The following CRCP variants were observed in gnomAD, a reference collection of about 807,000 sequenced individuals.
The protein encoded by CRCP is DNA-directed RNA polymerase III subunit RPC9.
Under a neutral mutation model 18.5 loss-of-function variants are expected in CRCP, and 18 were observed. The observed-to-expected ratio is 0.97, with a 90% CI of 0.67 to 1.44. The LOEUF is 1.44. Among genes scored for constraint, CRCP ranks in the 40% most tolerant of loss-of-function variants. The pLI is 0.00. For synonymous variants in CRCP, 53 were observed against 62.9 expected (o/e 0.84, Z 0.75); for missense variants, 130 against 176.4 (o/e 0.74, Z 1.49).
chr7:66,145,156 CA>C (rs200478059), intron 4 of CRCP, among the ~76,000 whole-genome samples: 1 of 149,924 alleles, frequency 6.7e-6, no homozygotes, highest in South Asian at 2.1e-4. Context: ...AACTCTGTCT[CA>C]AAAAAAAAGG....
At chr7:66,136,392 G>A (rs1234154770) in intron 4 of CRCP, among the ~76,000 whole-genome samples, 1 of 152,020 alleles carries the variant, frequency 6.6e-6, no homozygotes, top group Non-Finnish European at 1.5e-5. Flanking sequence ...CACCACACCT[G>A]GCTAGTTTTG....
At chr7:66,131,522 G>A (rs558804475) in intron 3 of CRCP, among the ~76,000 whole-genome samples, 1 of 152,080 alleles carries the variant, frequency 6.6e-6, no homozygotes, top group Non-Finnish European at 1.5e-5. Context: ...TGTTGTCCAG[G>A]CTGGTCTCCA....
chr7:66,125,615 T>G (rs549791009), intron 1 of CRCP, among the ~76,000 whole-genome samples: 15 of 149,366 alleles, frequency 1.0e-4, no homozygotes, highest in African/African-American at 3.6e-4. Flanking sequence ...CTCCTTTATA[T>G]TCGTTCTAGA....
intron 5 of CRCP, among the ~76,000 whole-genome samples, chr7:66,148,231 G>A (rs1450192875): frequency 6.6e-5 from 10 of 152,036 alleles, no homozygotes; most frequent in African/African-American, 1.2e-4. Context: ...GCATGGTGGC[G>A]GGCACCTGTA....
chr7:66,138,101 A>G (rs1283162017), intron 4 of CRCP, among the ~76,000 whole-genome samples: 1 of 152,166 alleles, frequency 6.6e-6, no homozygotes, highest in African/African-American at 2.4e-5. Flanking sequence ...CTTGGCTACA[A>G]ATTCTCTTAT....
intron 5 of CRCP, among the ~76,000 whole-genome samples, chr7:66,149,955 C>T (rs964187355): frequency 2.0e-5 from 3 of 151,996 alleles, no homozygotes; most frequent in African/African-American, 4.8e-5. Flanking sequence ...TACAGGCGCA[C>T]GCTGCCACGC....
chr7:66,118,245 G>A (rs1787332695), intron 1 of CRCP, among the ~76,000 whole-genome samples: 1 of 152,206 alleles, frequency 6.6e-6, no homozygotes, highest in Non-Finnish European at 1.5e-5. Flanking sequence ...CAAAGTGCTG[G>A]GATTACAGGC....
chr7:66,137,928 A>G lies in CRCP; in HGVS notation c.239+3554A>G, dbSNP rs554203633. 9.8e-5 allele frequency among the ~76,000 whole-genome samples: 15 copies of G among 152,308 alleles called. 1 individual carries two copies. In the South Asian group the frequency reaches 1.7e-3, roughly 17 times the overall value. On this transcript the variant is annotated intron_variant, in intron 4 of 5. Coordinates refer to ENST00000395326, the MANE Select transcript of CRCP (RefSeq NM_014478.5). ...TGCATACTATTAGTAGTGTTTTTACATTGACTTTCTGTATTCTTACATATT... is the reference window on the plus strand; with the variant it reads ...TGCATACTATTAGTAGTGTTTTTACGTTGACTTTCTGTATTCTTACATATT...
intron 3 of CRCP, among the ~76,000 whole-genome samples, chr7:66,131,588 C>T (rs888263462): frequency 1.3e-5 from 2 of 152,042 alleles, no homozygotes; most frequent in African/African-American, 2.4e-5. Flanking sequence ...TGGGAACTTA[C>T]ACGCTTAAGG....
intron 4 of CRCP, among the ~76,000 whole-genome samples, chr7:66,140,730 G>T (rs1001266641): frequency 9.2e-5 from 14 of 152,264 alleles, no homozygotes; most frequent in Admixed American, 3.9e-4. Flanking sequence ...AGAGAGAAAG[G>T]CTTTCGTGGG....
chr7:66,136,313 C>G (rs553182656), intron 4 of CRCP, among the ~76,000 whole-genome samples: 1 of 152,076 alleles, frequency 6.6e-6, no homozygotes. Context: ...TCACCGCAAC[C>G]TCTGCCTTCG....
At chr7:66,127,558 A>T in intron 1 of CRCP, 146 bp from the exon 2 acceptor site, 1 of 853,054 alleles carries the variant, frequency 1.2e-6, no homozygotes. Flanking sequence ...TGTTGGACTT[A>T]GGACATTTCT....
intron 1 of CRCP, among the ~76,000 whole-genome samples, chr7:66,125,050 T>C (rs1252028051): frequency 6.7e-6 from 1 of 149,432 alleles, no homozygotes; most frequent in African/African-American, 2.4e-5. Context: ...GACATTGATA[T>C]TTGAAGAGTC....
intron 5 of CRCP, among the ~76,000 whole-genome samples, chr7:66,148,664 G>A (rs1027378184): frequency 5.9e-5 from 9 of 152,276 alleles, no homozygotes; most frequent in Non-Finnish European, 1.0e-4. Context: ...TGTTGTGCCC[G>A]GTTGTGTATT....
chr7:66,128,943 A>G (rs1219088493), intron 2 of CRCP, among the ~76,000 whole-genome samples: 1 of 152,184 alleles, frequency 6.6e-6, no homozygotes, highest in Non-Finnish European at 1.5e-5. Flanking sequence ...TCACGCCTGT[A>G]ATCTCAGCAC....
intron 5 of CRCP, chr7:66,151,035 A>G (rs1235870273): frequency 2.6e-5 from 4 of 152,268 alleles, no homozygotes; most frequent in Admixed American, 1.3e-4. Context: ...GTGGTGTGCA[A>G]CGTGGGGGAC....
chr7:66,127,490 A>T (rs956268084), intron 1 of CRCP, among the ~76,000 whole-genome samples: 2 of 152,310 alleles, frequency 1.3e-5, no homozygotes, highest in African/African-American at 2.4e-5. Context: ...TGGCTGTGGG[A>T]TGGGACAGCA....
At chr7:66,118,330 T>C (rs925404532) in intron 1 of CRCP, among the ~76,000 whole-genome samples, 28 of 152,204 alleles carry the variant, frequency 1.8e-4, no homozygotes, top group African/African-American at 6.8e-4. Context: ...CTTCAGTAAG[T>C]CTAACTAACA....
intron 3 of CRCP, among the ~76,000 whole-genome samples, chr7:66,131,357 G>A (rs1787797995): frequency 1.3e-5 from 2 of 152,146 alleles, no homozygotes; most frequent in Non-Finnish European, 2.9e-5. Context: ...AAAGTTAGAA[G>A]GAATAGTGTA....
Sources: gnomAD v4.1 joint callset for allele counts (sites outside exome capture counted in the v4.1 genomes callset) on GRCh38, gnomAD v4.1.1 for gene constraint, MANE v1.5 for transcripts, NCBI Gene and HGNC (gene_info 2026-07-23, HGNC 2026-07-21) for gene names.